The following ZFYVE9 variants were observed in gnomAD, a reference collection of about 807,000 sequenced individuals.
ZFYVE9 encodes zinc finger FYVE domain-containing protein 9.
A neutral mutation model predicts 126.7 loss-of-function variants in ZFYVE9; 43 were observed. The ratio of observed to expected loss-of-function variants is 0.34; its 90% CI spans 0.27 to 0.44. The LOEUF is 0.44. ZFYVE9 is among the 20% of genes least tolerant of loss of function. The pLI is 1.00. For synonymous variants in ZFYVE9, 521 were observed against 597.4 expected (o/e 0.87, Z 1.87); for missense variants, 1,476 against 1,697.0 (o/e 0.87, Z 2.29).
At chr1:52,201,473 T>C (rs920688062) in intron 1 of ZFYVE9, among the ~76,000 whole-genome samples, 2 of 149,510 alleles carry the variant, frequency 1.3e-5, no homozygotes, top group Non-Finnish European at 3.0e-5. Context: ...GCCCCCTGGG[T>C]TCATGCCATT....
intron 9 of ZFYVE9, 71 bp downstream of exon 9, chr1:52,278,685 T>C (rs948351978): frequency 1.8e-6 from 2 of 1,098,926 alleles, no homozygotes; most frequent in Non-Finnish European, 1.3e-6. Context: ...CTTTCAGATT[T>C]ATTACACACA....
chr1:52,148,653 T>G (rs991640584), intron 1 of ZFYVE9, among the ~76,000 whole-genome samples: 1 of 151,766 alleles, frequency 6.6e-6, no homozygotes, highest in Non-Finnish European at 1.5e-5. Context: ...CTTTCTTTTT[T>G]TTTTTTGAGA....
At chr1:52,186,057 A>G (rs1644762393) in intron 1 of ZFYVE9, among the ~76,000 whole-genome samples, 2 of 152,024 alleles carry the variant, frequency 1.3e-5, no homozygotes, top group Non-Finnish European at 2.9e-5. Context: ...CCTGGCCAAC[A>G]TGGTGAAACC....
At chr1:52,219,137 G>A (rs181860093) in intron 2 of ZFYVE9, among the ~76,000 whole-genome samples, 3 of 151,958 alleles carry the variant, frequency 2.0e-5, no homozygotes, top group Non-Finnish European at 4.4e-5. Flanking sequence ...TGCAAGGGTC[G>A]GGGGTGGTGC....
chr1:52,199,071 C>CTT (rs796559751), intron 1 of ZFYVE9, among the ~76,000 whole-genome samples: 2 of 145,444 alleles, frequency 1.4e-5, no homozygotes, highest in African/African-American at 5.0e-5. Flanking sequence ...AATCACGGAT[C>CTT]TTTTTTTTTT....
At chr1:52,209,301 TAAA>T (rs1385450321) in intron 1 of ZFYVE9, among the ~76,000 whole-genome samples, 1 of 152,106 alleles carries the variant, frequency 6.6e-6, no homozygotes, top group Non-Finnish European at 1.5e-5. Flanking sequence ...GTTCAAGGCT[TAAA>T]AAATAATATG....
intron 1 of ZFYVE9, among the ~76,000 whole-genome samples, chr1:52,188,599 A>G (rs1161720391): frequency 6.6e-6 from 1 of 152,186 alleles, no homozygotes; most frequent in Non-Finnish European, 1.5e-5. Context: ...TTTTGTACAA[A>G]AAATAGTTTT....
intron 13 of ZFYVE9, among the ~76,000 whole-genome samples, chr1:52,307,246 T>C (rs1646093948): frequency 6.6e-6 from 1 of 152,144 alleles, no homozygotes; most frequent in Non-Finnish European, 1.5e-5. Flanking sequence ...TTGTTTTGTT[T>C]TGTTTTTGAG....
intron 2 of ZFYVE9, among the ~76,000 whole-genome samples, chr1:52,217,997 C>T (rs1473470592): frequency 3.3e-5 from 5 of 152,122 alleles, no homozygotes; most frequent in African/African-American, 2.4e-5. Context: ...ATCCAGTCTA[C>T]GTTTTTGTTT....
At chr1:52,197,832 T>G (rs183980798) in intron 1 of ZFYVE9, among the ~76,000 whole-genome samples, 1 of 152,166 alleles carries the variant, frequency 6.6e-6, no homozygotes, top group East Asian at 1.9e-4. Context: ...GAGAGGAGGA[T>G]GCACAGAAAG....
chr1:52,191,596 A>G (rs1334378242), intron 1 of ZFYVE9, among the ~76,000 whole-genome samples: 1 of 152,244 alleles, frequency 6.6e-6, no homozygotes, highest in Non-Finnish European at 1.5e-5. Context: ...CCTATGACCC[A>G]GATGGGTTAG....
chr1:52,319,594 A>T (rs1384242502), intron 13 of ZFYVE9, among the ~76,000 whole-genome samples: 2 of 151,900 alleles, frequency 1.3e-5, no homozygotes, highest in African/African-American at 4.8e-5. Flanking sequence ...ATTGTACTCC[A>T]GCCTGGGTAA....
Position 52,218,454 on chromosome 1 carries a change from T to C in ZFYVE9, c.-37+1980T>C, listed in dbSNP as rs139137272. On this transcript the variant is annotated intron_variant, in intron 2 of 18. Transcript: ENST00000287727. The stretch of plus-strand genomic sequence containing the variant: ...TGAATGGCCCTTGGGGGCTGTCCCA[T>C]AGGGGTCCTGACCTTTGGGGAAAAT... Among the ~76,000 whole-genome samples the C allele has an allele frequency of 6.1e-3, 925 of 152,280 alleles. 4 individuals are homozygous for C. The highest frequency in any genetic ancestry group is 0.01 in the Middle Eastern group (3 of 294).
chr1:52,179,692 A>C (rs1353500590), intron 1 of ZFYVE9, among the ~76,000 whole-genome samples: 1 of 142,218 alleles, frequency 7.0e-6, no homozygotes, highest in East Asian at 1.9e-4. Flanking sequence ...AAAGGAGACA[A>C]AGAAAAGAAG....
chr1:52,197,474 A>G (rs1644871285), intron 1 of ZFYVE9, among the ~76,000 whole-genome samples: 1 of 152,192 alleles, frequency 6.6e-6, no homozygotes, highest in Non-Finnish European at 1.5e-5. Context: ...TAGTAGATAC[A>G]ATTCTCTTGG....
rs537258671 is a variant in ZFYVE9, at chr1:52,251,253, G to A, written c.2178+11658G>A. On this transcript the variant is annotated intron_variant, in intron 4 of 18. Transcript: ENST00000287727. Reference sequence around the variant, plus strand: ...TGCCTGGCTAATTTTTGTATTTTTAGTAGAGACAGGGTTTCACCATGTTGG... The same window carrying A: ...TGCCTGGCTAATTTTTGTATTTTTAATAGAGACAGGGTTTCACCATGTTGG... Among the ~76,000 whole-genome samples, 463 of 152,048 alleles carry A rather than the reference G, an allele frequency of 3.0e-3. 2 individuals are homozygous for A. The highest frequency in any genetic ancestry group is 0.011 in the African/African-American group (439 of 41,470).
intron 10 of ZFYVE9, among the ~76,000 whole-genome samples, chr1:52,291,283 T>C (rs1569684943): frequency 6.6e-6 from 1 of 152,338 alleles, no homozygotes; most frequent in East Asian, 1.9e-4. Flanking sequence ...TCAGGATACC[T>C]GTCCGCTAAA....
chr1:52,227,822 T>A (rs1645183672), intron 2 of ZFYVE9, among the ~76,000 whole-genome samples: 1 of 152,212 alleles, frequency 6.6e-6, no homozygotes. Context: ...ACTTTTTCTG[T>A]AGCTCCTGGC....
intron 7 of ZFYVE9, among the ~76,000 whole-genome samples, chr1:52,272,671 A>ACCTT (rs1162973754): frequency 1.6e-4 from 21 of 134,854 alleles, no homozygotes; most frequent in African/African-American, 3.7e-4. Flanking sequence ...GCTAGAAATA[A>ACCTT]TCTTTTTTTT....
Sources: gnomAD v4.1 joint callset for allele counts (sites outside exome capture counted in the v4.1 genomes callset) on GRCh38, gnomAD v4.1.1 for gene constraint, MANE v1.5 for transcripts, NCBI Gene and HGNC (gene_info 2026-07-23, HGNC 2026-07-21) for gene names.